RPS6KC1: variants seen among roughly 807,000 people sequenced by gnomAD.
The protein encoded by RPS6KC1 is inactive ribosomal protein S6 kinase delta-1.
A neutral mutation model predicts 103.8 loss-of-function variants in RPS6KC1; 54 were observed. The ratio of observed to expected loss-of-function variants is 0.52; its 90% confidence interval spans 0.42 to 0.65. The LOEUF (loss-of-function observed/expected upper bound fraction) is 0.65. RPS6KC1 is among the 30% of genes least tolerant of loss of function. The pLI is 0.00. For synonymous variants in RPS6KC1, 439 were observed against 438.7 expected (o/e 1.00, Z -0.01); for missense variants, 1,151 against 1,253.8 (o/e 0.92, Z 1.24).
At chr1:213,583,578 T>C in the RPS6KC1 span, among the ~76,000 whole-genome samples, 1 of 151,862 alleles carries the variant, frequency 6.6e-6, no homozygotes, top group African/African-American at 2.4e-5. Context: ...CCCAGCAATT[T>C]GGGAGACCAA....
intron 13 of RPS6KC1, 22 bp downstream of exon 13, chr1:213,261,662 T>C (rs2094800572): frequency 6.3e-7 from 1 of 1,595,080 alleles, no homozygotes; most frequent in Non-Finnish European, 8.6e-7. Context: ...CCTGGACGTT[T>C]AATAAATTTA....
In RPS6KC1 at chr1:213,146,677, G is replaced by A. The variant is rs557757698; in HGVS notation, c.835+16788G>A. Reference sequence around the variant, plus strand: ...CCTGACCTTGTGATCTGCCCACGTCGGCCTCCCAAAGTGCTGGGATTACAG... The same window carrying A: ...CCTGACCTTGTGATCTGCCCACGTCAGCCTCCCAAAGTGCTGGGATTACAG... On this transcript the variant is annotated intron_variant, in intron 6 of 14. Coordinates refer to ENST00000366960, the MANE Select transcript of RPS6KC1 (RefSeq NM_012424.6). Among the ~76,000 whole-genome samples the A allele has an allele frequency of 9.2e-5, 14 of 151,684 alleles. No homozygotes were observed. The East Asian group carries it at 2.7e-3, about 30-fold the overall frequency.
chr1:213,681,065 C>T, the RPS6KC1 span, among the ~76,000 whole-genome samples: 4 of 151,938 alleles, frequency 2.6e-5, no homozygotes, highest in Admixed American at 2.0e-4. Context: ...TAGACTCTGA[C>T]GCTGTAACAC....
chr1:213,509,961 A>G, the RPS6KC1 span, among the ~76,000 whole-genome samples: 1 of 152,204 alleles, frequency 6.6e-6, no homozygotes, highest in Non-Finnish European at 1.5e-5. Flanking sequence ...ATCAAACAGC[A>G]AGATATCTGG....
the RPS6KC1 span, among the ~76,000 whole-genome samples, chr1:213,571,562 A>G: frequency 6.6e-6 from 1 of 152,234 alleles, no homozygotes; most frequent in Non-Finnish European, 1.5e-5. Context: ...GAGGGACCTC[A>G]GTGCATATAG....
the RPS6KC1 span, among the ~76,000 whole-genome samples, chr1:213,321,337 G>T: frequency 1.3e-5 from 2 of 152,130 alleles, no homozygotes; most frequent in Admixed American, 1.3e-4. Flanking sequence ...GTTGCTCCTT[G>T]AGGTGTTCCC....
chr1:213,547,893 C>G, the RPS6KC1 span, among the ~76,000 whole-genome samples: 1 of 152,178 alleles, frequency 6.6e-6, no homozygotes, highest in Non-Finnish European at 1.5e-5. Context: ...ACAAGTTACT[C>G]AGCCTCAGAT....
the RPS6KC1 span, among the ~76,000 whole-genome samples, chr1:213,743,391 A>G: frequency 0.82 from 124,816 of 151,772 alleles, 51,932 homozygotes; most frequent in African/African-American, 0.95. Flanking sequence ...AGAAGATGAA[A>G]GAAAGGAGAG....
the RPS6KC1 span, among the ~76,000 whole-genome samples, chr1:213,597,985 A>G: frequency 3.3e-5 from 5 of 152,342 alleles, no homozygotes; most frequent in East Asian, 3.9e-4. Context: ...AAAAAGAAAC[A>G]AAAAACAAAA....
the RPS6KC1 span, among the ~76,000 whole-genome samples, chr1:213,383,630 G>A: frequency 0.02 from 3,081 of 152,174 alleles, 189 homozygotes; most frequent in East Asian, 0.22. Context: ...TTTGGAGACC[G>A]GGCCTCTAAG....
chr1:213,534,414 T>G, the RPS6KC1 span, among the ~76,000 whole-genome samples: 1 of 152,222 alleles, frequency 6.6e-6, no homozygotes, highest in Non-Finnish European at 1.5e-5. Flanking sequence ...CGCTTGGTGT[T>G]CATCCTCATT....
the RPS6KC1 span, among the ~76,000 whole-genome samples, chr1:213,332,312 A>G: frequency 1.3e-5 from 2 of 152,186 alleles, no homozygotes; most frequent in Non-Finnish European, 2.9e-5. Context: ...CCCTCCCTGG[A>G]GATATGTTTT....
the RPS6KC1 span, among the ~76,000 whole-genome samples, chr1:213,716,726 T>C: frequency 2.0e-5 from 3 of 152,216 alleles, no homozygotes; most frequent in African/African-American, 7.2e-5. Context: ...ATCTATTTGA[T>C]GATAAATTAC....
intron 8 of RPS6KC1, among the ~76,000 whole-genome samples, chr1:213,188,177 C>T (rs1016512779): frequency 6.6e-6 from 1 of 152,056 alleles, no homozygotes; most frequent in Admixed American, 6.6e-5. Flanking sequence ...AGTATTTCTC[C>T]CTTTAGGCAG....
downstream of RPS6KC1, among the ~76,000 whole-genome samples, chr1:213,277,662 T>G (rs995935291): frequency 1.3e-5 from 2 of 152,250 alleles, no homozygotes; most frequent in South Asian, 4.1e-4. Flanking sequence ...ATTGACATGC[T>G]TATCCTAAGT....
At chr1:213,452,333 A>AC in the RPS6KC1 span, among the ~76,000 whole-genome samples, 3 of 149,626 alleles carry the variant, frequency 2.0e-5, no homozygotes, top group African/African-American at 7.4e-5. Flanking sequence ...GCTCATAACT[A>AC]GGAAAAAAAA....
At chr1:213,688,473 G>A in the RPS6KC1 span, among the ~76,000 whole-genome samples, 2 of 152,118 alleles carry the variant, frequency 1.3e-5, no homozygotes, top group East Asian at 1.9e-4. Flanking sequence ...GAACATGGCC[G>A]GATCAATTTG....
chr1:213,340,220 C>T, the RPS6KC1 span, among the ~76,000 whole-genome samples: 1 of 152,166 alleles, frequency 6.6e-6, no homozygotes, highest in Admixed American at 6.5e-5. Flanking sequence ...TGCTGGGCTT[C>T]TCTCACCTCC....
chr1:213,066,871 G>GC (rs1348752196), intron 1 of RPS6KC1, among the ~76,000 whole-genome samples: 1 of 152,018 alleles, frequency 6.6e-6, no homozygotes, highest in Non-Finnish European at 1.5e-5. Context: ...AAATCTTGAG[G>GC]CCCCCAAATA....
Sources: allele counts gnomAD v4.1 joint callset (sites outside exome capture counted in the v4.1 genomes callset), GRCh38; gene constraint gnomAD v4.1.1; transcripts MANE v1.5; gene names NCBI Gene and HGNC (gene_info 2026-07-23, HGNC 2026-07-21).